The following CD1B variants were observed in gnomAD, a reference collection of about 807,000 sequenced individuals.
The protein encoded by CD1B is CD1b molecule, also known as T-cell surface glycoprotein CD1b.
CD1B carries 43 observed loss-of-function variants against 39.8 expected under a neutral mutation model. The ratio of observed to expected loss-of-function variants is 1.08; its 90% CI spans 0.85 to 1.39. CD1B has a LOEUF of 1.39. Ranked by LOEUF, CD1B falls within the 40% of genes most tolerant of loss-of-function variation. The pLI is 0.00. For missense variants in CD1B, 495 were observed against 403.8 expected (o/e 1.23, Z -1.94); for synonymous variants, 192 against 152.5 (o/e 1.26, Z -1.91).
chr1:158,290,029 C>T, the CD1B span: 1 of 1,599,532 alleles, frequency 6.3e-7, no homozygotes, highest in Non-Finnish European at 8.6e-7. Context: ...GATCAGCAAA[C>T]AGCTTTTCTG....
At chr1:158,290,191 G>A in the CD1B span, 2 of 1,424,500 alleles carry the variant, frequency 1.4e-6, no homozygotes, top group South Asian at 2.3e-5. Context: ...GCTTTCCCGA[G>A]ATGGATCAAT....
At chr1:158,296,648 A>G in the CD1B span, among the ~76,000 whole-genome samples, 1 of 152,206 alleles carries the variant, frequency 6.6e-6, no homozygotes. Context: ...ATGGCAATGA[A>G]AATCATGAGA....
At chr1:158,303,746 T>A in the CD1B span, among the ~76,000 whole-genome samples, 4 of 152,106 alleles carry the variant, frequency 2.6e-5, no homozygotes, top group Admixed American at 6.5e-5. Context: ...ACAAGAATTA[T>A]AAAGCACTGC....
chr1:158,323,696 C>T (rs975301814), downstream of CD1B, among the ~76,000 whole-genome samples: 2 of 152,214 alleles, frequency 1.3e-5, no homozygotes, highest in Non-Finnish European at 1.5e-5. Context: ...GCAGCCATTT[C>T]AGCACTAGAG....
chr1:158,306,280 C>T, the CD1B span, among the ~76,000 whole-genome samples: 3 of 152,094 alleles, frequency 2.0e-5, no homozygotes, highest in Admixed American at 2.0e-4. Context: ...GGTTGCAAAC[C>T]TAGTCTCTGA....
the CD1B span, among the ~76,000 whole-genome samples, chr1:158,314,169 CT>C: frequency 6.6e-6 from 1 of 152,188 alleles, no homozygotes; most frequent in Non-Finnish European, 1.5e-5. Flanking sequence ...ACTGCAACCT[CT>C]GCCTCCCAGG....
chr1:158,327,028 C>T (rs1652377923), downstream of CD1B, among the ~76,000 whole-genome samples: 1 of 152,114 alleles, frequency 6.6e-6, no homozygotes, highest in Non-Finnish European at 1.5e-5. Flanking sequence ...AACTCCTGAC[C>T]TCAGGTGATC....
the CD1B span, among the ~76,000 whole-genome samples, chr1:158,308,456 T>G: frequency 6.6e-6 from 1 of 152,196 alleles, no homozygotes; most frequent in African/African-American, 2.4e-5. Flanking sequence ...ACCAATGACT[T>G]TCTTCACAGA....
At chr1:158,300,376 T>A in the CD1B span, among the ~76,000 whole-genome samples, 1 of 152,180 alleles carries the variant, frequency 6.6e-6, no homozygotes, top group Non-Finnish European at 1.5e-5. Context: ...TTTTTACATT[T>A]GCTGAGGAGT....
the CD1B span, chr1:158,293,615 A>G: frequency 3.8e-3 from 5,985 of 1,594,510 alleles, 18 homozygotes; most frequent in Non-Finnish European, 4.8e-3. Context: ...AATAAAAACC[A>G]AATTCTAATT....
downstream of CD1B, among the ~76,000 whole-genome samples, chr1:158,323,951 A>G (rs1652268976): frequency 6.6e-6 from 1 of 152,200 alleles, no homozygotes; most frequent in African/African-American, 2.4e-5. Flanking sequence ...GGAGTTTCAG[A>G]AAAATGGGTG....
chr1:158,293,018 A>G, the CD1B span: 91 of 903,382 alleles, frequency 1.0e-4, no homozygotes, highest in Non-Finnish European at 1.5e-4. Flanking sequence ...AGTAAGACCT[A>G]AGGGATACAT....
Position 158,328,148 on chromosome 1 carries a change from A to G in CD1B, c.*88T>C, listed in dbSNP as rs1652428739. The G allele has an allele frequency of 4.1e-6, 4 of 979,040 alleles. No individual in the cohort carries two copies. The African/African-American group carries it at 4.9e-5, about 12-fold the overall frequency. The allele number at this position is 979,040 out of a possible 1,614,324, so 60.6% of individuals were successfully genotyped here. ...TCTGATTTCATCAAATTTGAAAATC[A>G]TTTGAAATATGATAAGATTGACTTT... is the stretch of plus-strand genomic sequence containing the variant. On this transcript the variant is annotated 3_prime_UTR_variant, in exon 6 of 6. Transcript: ENST00000368168.
chr1:158,291,110 T>C, the CD1B span: 3 of 1,586,430 alleles, frequency 1.9e-6, no homozygotes, highest in Non-Finnish European at 8.6e-7. Context: ...TTCCTTACAC[T>C]ACTTGCCCTT....
chr1:158,298,066 A>C, the CD1B span, among the ~76,000 whole-genome samples: 2 of 152,194 alleles, frequency 1.3e-5, no homozygotes, highest in African/African-American at 4.8e-5. Context: ...TCAAGCATAC[A>C]GGAAAGAAAA....
the CD1B span, among the ~76,000 whole-genome samples, chr1:158,285,592 A>G: frequency 6.6e-6 from 1 of 152,350 alleles, no homozygotes; most frequent in East Asian, 1.9e-4. Context: ...GAGACAGAAA[A>G]TACTGTATAA....
chr1:158,297,987 A>G, the CD1B span, among the ~76,000 whole-genome samples: 12,777 of 151,680 alleles, frequency 0.084, 695 homozygotes, highest in South Asian at 0.15. Flanking sequence ...CCTGTAAGTT[A>G]TCTTCAAGAG....
chr1:158,315,389 G>T, the CD1B span, among the ~76,000 whole-genome samples: 1 of 151,726 alleles, frequency 6.6e-6, no homozygotes, highest in Non-Finnish European at 1.5e-5. Context: ...GTTTTGATTT[G>T]CATTTCTCTG....
the CD1B span, chr1:158,291,105 TACA>T: frequency 6.3e-7 from 1 of 1,596,590 alleles, no homozygotes; most frequent in Non-Finnish European, 8.5e-7. Flanking sequence ...TTTTTTTCCT[TACA>T]CTACTTGCCC....
Sources: allele counts gnomAD v4.1 joint callset (sites outside exome capture counted in the v4.1 genomes callset), GRCh38; gene constraint gnomAD v4.1.1; transcripts MANE v1.5; gene names NCBI Gene and HGNC (gene_info 2026-07-23, HGNC 2026-07-21).